Variants in MMP26 observed in about 807,000 individuals in gnomAD.
MMP26 encodes the protein matrix metallopeptidase 26.
A neutral mutation model predicts 31.0 loss-of-function variants in MMP26; 33 were observed. The observed-to-expected ratio is 1.06, with a 90% confidence interval of 0.81 to 1.42. The LOEUF (loss-of-function observed/expected upper bound fraction) is 1.42, where lower values mean the gene tolerates loss of function less well. MMP26 is among the 40% of genes most tolerant of loss of function. MMP26 has a pLI of 0.00. For synonymous variants in MMP26, 122 were observed against 114.9 expected (o/e 1.06, Z -0.40); for missense variants, 347 against 316.1 (o/e 1.10, Z -0.74).
In MMP26 at chr11:4,822,782, T is replaced by C. The variant is rs115046989; in HGVS notation, c.-145+55441T>C. Reference sequence around the variant, plus strand: ...TGAAATTCTTGATTATATATGCGATTCCAAAATAGAGATTCTATAGGGTGG... The same window carrying C: ...TGAAATTCTTGATTATATATGCGATCCCAAAATAGAGATTCTATAGGGTGG... On this transcript the variant is annotated intron_variant, in intron 2 of 7. Transcript: ENST00000380390. Among the ~76,000 whole-genome samples, 29 of 152,268 alleles carry C rather than the reference T, an allele frequency of 1.9e-4. 1 individual carries two copies. Among genetic ancestry groups the C allele is most frequent in the African/African-American group, 6.5e-4 (27 of 41,550 alleles).
intron 2 of MMP26, among the ~76,000 whole-genome samples, chr11:4,930,517 G>A (rs1215423916): frequency 2.0e-5 from 3 of 151,958 alleles, no homozygotes; most frequent in Non-Finnish European, 4.4e-5. Context: ...TACCATCTCC[G>A]AATCATGGTC....
At chr11:4,826,924 C>CT (rs985264532) in intron 2 of MMP26, among the ~76,000 whole-genome samples, 2 of 152,110 alleles carry the variant, frequency 1.3e-5, no homozygotes, top group African/African-American at 4.8e-5. Flanking sequence ...CCATTGGATC[C>CT]TTTTTCCCAT....
At chr11:4,946,000 A>T (rs12794614) in intron 2 of MMP26, 98,045 of 698,310 alleles carry the variant, frequency 0.14, 7,596 homozygotes, top group South Asian at 0.17. Context: ...CTTCCTGTTT[A>T]TAGTTCTATT....
intron 1 of MMP26, among the ~76,000 whole-genome samples, chr11:4,708,737 C>G (rs1331168366): frequency 6.6e-6 from 1 of 152,154 alleles, no homozygotes; most frequent in African/African-American, 2.4e-5. Flanking sequence ...CTCCTTCCCC[C>G]AGCCAATCTA....
At chr11:4,981,598 A>G (rs556384663) in intron 2 of MMP26, among the ~76,000 whole-genome samples, 1 of 152,222 alleles carries the variant, frequency 6.6e-6, no homozygotes, top group Non-Finnish European at 1.5e-5. Flanking sequence ...GAGTGAATGT[A>G]CACTACTGTA....
At chr11:4,714,732 A>G (rs1002677818) in intron 1 of MMP26, among the ~76,000 whole-genome samples, 7 of 152,144 alleles carry the variant, frequency 4.6e-5, no homozygotes, top group Non-Finnish European at 8.8e-5. Context: ...ATCAGAGAAG[A>G]GAGATAAGTC....
intron 1 of MMP26, among the ~76,000 whole-genome samples, chr11:4,743,869 G>A (rs560278715): frequency 3.1e-4 from 47 of 152,194 alleles, no homozygotes; most frequent in Non-Finnish European, 6.0e-4. Flanking sequence ...GTATTGGCAC[G>A]ATCATAGCTC....
intron 2 of MMP26, among the ~76,000 whole-genome samples, chr11:4,849,902 T>A (rs868584027): frequency 6.6e-6 from 1 of 152,178 alleles, no homozygotes; most frequent in Non-Finnish European, 1.5e-5. Context: ...CATGTGGTAT[T>A]TTGTTACATG....
In MMP26 at chr11:4,977,515, A is replaced by G. The variant is rs79543826; in HGVS notation, c.-144-10553A>G. Among the ~76,000 whole-genome samples the G allele has an allele frequency of 7.7e-3, 1,165 of 152,210 alleles. 14 individuals carry two copies. The highest frequency in any genetic ancestry group is 0.027 in the African/African-American group (1,118 of 41,536). ...GAAAGAAATTCTCAAGAAGGACTCA[A>G]ATGTGACCTGTCAGCTATAACACTC... On this transcript the variant is annotated intron_variant, in intron 2 of 7. Transcript: ENST00000380390.
At chr11:4,793,969 C>T (rs1195097868) in intron 2 of MMP26, 1 of 152,132 alleles carries the variant, frequency 6.6e-6, no homozygotes, top group Non-Finnish European at 1.5e-5. Context: ...AACAGGGTGA[C>T]ACAAATGTGG....
At chr11:4,952,006 C>T (rs1398182405) in intron 2 of MMP26, among the ~76,000 whole-genome samples, 1 of 124,108 alleles carries the variant, frequency 8.1e-6, no homozygotes, top group African/African-American at 2.7e-5. Context: ...AAGGTTCCTA[C>T]AACTTTTAAT....
At chr11:4,881,879 G>C in intron 2 of MMP26, 1 of 1,597,144 alleles carries the variant, frequency 6.3e-7, no homozygotes, top group South Asian at 1.1e-5. Flanking sequence ...TTTCCTCATA[G>C]TTCAGTGTCT....
chr11:4,942,089 C>CAAAAAAAAAAAAAAAAAAGAAAAAAA (rs1846217042), intron 2 of MMP26, among the ~76,000 whole-genome samples: 1 of 37,122 alleles, frequency 2.7e-5, no homozygotes, highest in Non-Finnish European at 5.2e-5. Context: ...GAGTCCATCT[C>CAAAAAAAAAAAAAAAAAAGAAAAAAA]AAAAAAAAAA....
At chr11:4,790,517 C>A (rs60249619) in intron 2 of MMP26, among the ~76,000 whole-genome samples, 2 of 152,222 alleles carry the variant, frequency 1.3e-5, no homozygotes, top group East Asian at 3.9e-4. Flanking sequence ...CCTCTTATTT[C>A]TTCCAGAAGA....
chr11:4,857,689 A>G (rs918351800), intron 2 of MMP26, among the ~76,000 whole-genome samples: 4 of 152,180 alleles, frequency 2.6e-5, no homozygotes, highest in African/African-American at 9.7e-5. Context: ...TATTCCAATC[A>G]ATAGAAAAAG....
chr11:4,726,128 C>T (rs1030914237), intron 1 of MMP26, among the ~76,000 whole-genome samples: 1 of 152,152 alleles, frequency 6.6e-6, no homozygotes, highest in African/African-American at 2.4e-5. Flanking sequence ...AGAAGCCCCC[C>T]AAACCACTAA....
intron 2 of MMP26, among the ~76,000 whole-genome samples, chr11:4,959,186 T>C (rs928264513): frequency 5.1e-4 from 68 of 133,112 alleles, no homozygotes; most frequent in African/African-American, 1.4e-3. Flanking sequence ...TGCAGTGAGC[T>C]GAGATCTCGC....
At chr11:4,964,031 T>C (rs1313034886) in intron 2 of MMP26, among the ~76,000 whole-genome samples, 1 of 152,196 alleles carries the variant, frequency 6.6e-6, no homozygotes, top group Non-Finnish European at 1.5e-5. Flanking sequence ...GATGGTCAGA[T>C]TGCAAAAAAT....
At chr11:4,724,578 A>G (rs1267397062) in intron 1 of MMP26, among the ~76,000 whole-genome samples, 2 of 152,230 alleles carry the variant, frequency 1.3e-5, no homozygotes, top group African/African-American at 4.8e-5. Context: ...ATGGTTTGGA[A>G]GCAAAAATTA....
Sources: allele counts gnomAD v4.1 joint callset (sites outside exome capture counted in the v4.1 genomes callset), GRCh38; gene constraint gnomAD v4.1.1; transcripts MANE v1.5; gene names NCBI Gene and HGNC (gene_info 2026-07-23, HGNC 2026-07-21).